Variants in STK39 observed in about 807,000 individuals in gnomAD.
The protein encoded by STK39 is STE20/SPS1-related proline-alanine-rich protein kinase.
A neutral mutation model predicts 77.8 loss-of-function variants in STK39; 20 were observed. The ratio of observed to expected loss-of-function variants is 0.26; its 90% CI spans 0.18 to 0.37. The LOEUF is 0.37. Among genes scored for constraint, STK39 ranks in the 10% least tolerant of loss-of-function variants. The probability of loss-of-function intolerance (pLI) is 1.00; values close to 1 mark genes in which losing one functional copy is unlikely to be tolerated. For missense variants in STK39, 479 were observed against 656.5 expected (o/e 0.73, Z 2.95); for synonymous variants, 246 against 234.1 (o/e 1.05, Z -0.47).
chr2:168,221,130 T>C (rs886914560), intron 1 of STK39, among the ~76,000 whole-genome samples: 1 of 152,160 alleles, frequency 6.6e-6, no homozygotes, highest in African/African-American at 2.4e-5. Context: ...CCACTATCAC[T>C]AGGATACCTT....
At chr2:168,146,553 T>G (rs1448098113) in intron 5 of STK39, among the ~76,000 whole-genome samples, 6 of 152,130 alleles carry the variant, frequency 3.9e-5, no homozygotes, top group Admixed American at 3.9e-4. Context: ...GAGAGTTCTT[T>G]CCTACAAGCA....
At chr2:168,002,159 T>C (rs1209069451) in intron 16 of STK39, among the ~76,000 whole-genome samples, 1 of 152,232 alleles carries the variant, frequency 6.6e-6, no homozygotes, top group African/African-American at 2.4e-5. Context: ...AGGTCTTAAT[T>C]GGATTCTATC....
chr2:167,977,568 C>T (rs1396792567), intron 16 of STK39, among the ~76,000 whole-genome samples: 3 of 145,278 alleles, frequency 2.1e-5, no homozygotes, highest in Non-Finnish European at 4.5e-5. Flanking sequence ...AGTTTACTTG[C>T]TTCGGAAAAA....
chr2:168,041,179 T>C (rs1045838664), intron 14 of STK39, among the ~76,000 whole-genome samples: 5 of 152,052 alleles, frequency 3.3e-5, no homozygotes, highest in African/African-American at 9.7e-5. Flanking sequence ...ACTAATATTA[T>C]TGCTGGTGAG....
intron 10 of STK39, among the ~76,000 whole-genome samples, chr2:168,109,305 A>G (rs1269417917): frequency 6.6e-6 from 1 of 152,210 alleles, no homozygotes; most frequent in Non-Finnish European, 1.5e-5. Context: ...AAAATAGGAC[A>G]TCACTTAGTG....
chr2:168,141,738 C>T (rs562255118), intron 5 of STK39, among the ~76,000 whole-genome samples: 60 of 152,132 alleles, frequency 3.9e-4, no homozygotes, highest in Non-Finnish European at 7.6e-4. Context: ...AGTCTGAGCC[C>T]CTGCAAATCG....
intron 1 of STK39, among the ~76,000 whole-genome samples, chr2:168,217,664 T>C (rs967277317): frequency 1.3e-4 from 20 of 152,226 alleles, no homozygotes; most frequent in Non-Finnish European, 5.9e-5. Flanking sequence ...ACTTTAATCA[T>C]GTCTAGAGTA....
chr2:168,017,735 TC>T (rs1187999771), intron 14 of STK39, among the ~76,000 whole-genome samples: 4 of 152,130 alleles, frequency 2.6e-5, no homozygotes, highest in Non-Finnish European at 5.9e-5. Context: ...CCATTTTTTT[TC>T]TTGAAAAATA....
chr2:168,167,523 G>C, intron 2 of STK39, 116 bp from the exon 3 acceptor site: 1 of 795,740 alleles, frequency 1.3e-6, no homozygotes, highest in South Asian at 1.6e-5. Context: ...CTACCTGAGG[G>C]GCTGCCTAAG....
chr2:168,217,123 T>C (rs10803830), intron 1 of STK39, among the ~76,000 whole-genome samples: 88,566 of 152,066 alleles, frequency 0.58, 29,316 homozygotes, highest in Non-Finnish European at 0.78. Context: ...TACGTGTTTC[T>C]CTGCAGCTCT....
intron 14 of STK39, among the ~76,000 whole-genome samples, chr2:168,031,068 A>C (rs547300599): frequency 6.6e-6 from 1 of 152,262 alleles, no homozygotes; most frequent in South Asian, 2.1e-4. Flanking sequence ...TTGGGGTTAC[A>C]TGGTTCTCCA....
chr2:168,229,127 T>C (rs1040532204), intron 1 of STK39, among the ~76,000 whole-genome samples: 3 of 152,080 alleles, frequency 2.0e-5, no homozygotes, highest in Admixed American at 6.6e-5. Context: ...ATCAACACTT[T>C]GGGAGGTCAA....
chr2:168,238,623 G>A (rs994497541), intron 1 of STK39, among the ~76,000 whole-genome samples: 2 of 151,894 alleles, frequency 1.3e-5, no homozygotes, highest in African/African-American at 4.8e-5. Context: ...TCAAATAACT[G>A]TTTGGCAAGT....
intron 16 of STK39, among the ~76,000 whole-genome samples, chr2:168,004,812 C>T (rs1258964586): frequency 6.6e-6 from 1 of 151,448 alleles, no homozygotes; most frequent in Non-Finnish European, 1.5e-5. Flanking sequence ...ACTTGGGATA[C>T]CTGTTGAAAA....
chr2:168,246,607 C>T (rs1221992483), intron 1 of STK39, among the ~76,000 whole-genome samples: 1 of 152,172 alleles, frequency 6.6e-6, no homozygotes, highest in Non-Finnish European at 1.5e-5. Context: ...CGCCGAGTGG[C>T]GCGGAGAGCC....
At chr2:168,067,394 C>T (rs1385442719) in intron 12 of STK39, among the ~76,000 whole-genome samples, 1 of 152,138 alleles carries the variant, frequency 6.6e-6, no homozygotes, top group Non-Finnish European at 1.5e-5. Context: ...GTGGCACCTC[C>T]TTCCCACTCT....
chr2:167,963,866 C>A (rs948766101), intron 17 of STK39, among the ~76,000 whole-genome samples: 12 of 152,318 alleles, frequency 7.9e-5, no homozygotes, highest in South Asian at 4.1e-4. Flanking sequence ...TTGTGCACAG[C>A]AAAGTGTTGG....
intron 1 of STK39, among the ~76,000 whole-genome samples, chr2:168,207,006 G>A (rs2105687568): frequency 6.6e-6 from 1 of 152,314 alleles, no homozygotes; most frequent in South Asian, 2.1e-4. Context: ...AATTTCAGGT[G>A]AGATTCATTT....
chr2:168,146,313 C>G (rs1226766720), intron 5 of STK39, among the ~76,000 whole-genome samples: 1 of 152,178 alleles, frequency 6.6e-6, no homozygotes, highest in Non-Finnish European at 1.5e-5. Flanking sequence ...GGTGAGTACC[C>G]AAGCCTCACC....
Sources: allele counts gnomAD v4.1 joint callset (sites outside exome capture counted in the v4.1 genomes callset), GRCh38; gene constraint gnomAD v4.1.1; transcripts MANE v1.5; gene names NCBI Gene and HGNC (gene_info 2026-07-23, HGNC 2026-07-21).